Variants in KCNMB2 observed in about 807,000 individuals in gnomAD.
KCNMB2 encodes potassium calcium-activated channel subfamily M regulatory beta subunit 2.
KCNMB2 carries 9 observed loss-of-function variants against 24.5 expected under a neutral mutation model. The ratio of observed to expected loss-of-function variants is 0.37; its 90% CI spans 0.22 to 0.64. The LOEUF (loss-of-function observed/expected upper bound fraction) is 0.64. KCNMB2 is among the 30% of genes least tolerant of loss of function. The pLI, the probability that KCNMB2 is intolerant of heterozygous loss-of-function variation, is 0.63. For synonymous variants in KCNMB2, 109 were observed against 104.4 expected, an observed-to-expected ratio of 1.04 and a Z score of -0.27; for missense variants, 226 against 284.3, an observed-to-expected ratio of 0.79 and a Z score of 1.47.
At chr3:178,646,975 A>C (rs899440917) in intron 1 of KCNMB2, among the ~76,000 whole-genome samples, 1 of 152,240 alleles carries the variant, frequency 6.6e-6, no homozygotes, top group African/African-American at 2.4e-5. Context: ...TAAGAAAAAT[A>C]AGTATGATCT....
intron 2 of KCNMB2, among the ~76,000 whole-genome samples, chr3:178,825,205 T>A (rs1560036688): frequency 6.6e-6 from 1 of 152,242 alleles, no homozygotes; most frequent in African/African-American, 2.4e-5. Flanking sequence ...CAAAATTATC[T>A]AAAAATCAAT....
intron 1 of KCNMB2, among the ~76,000 whole-genome samples, chr3:178,613,468 C>T (rs1718568470): frequency 6.6e-6 from 1 of 152,168 alleles, no homozygotes; most frequent in African/African-American, 2.4e-5. Flanking sequence ...CATTAATATC[C>T]TTTTATTTCT....
chr3:178,764,136 A>G (rs1173599839), intron 1 of KCNMB2, among the ~76,000 whole-genome samples: 2 of 152,234 alleles, frequency 1.3e-5, no homozygotes, highest in Non-Finnish European at 2.9e-5. Flanking sequence ...TTTGTCAAAC[A>G]TAAAATCTAC....
chr3:178,693,875 G>C (rs899903593), intron 1 of KCNMB2, among the ~76,000 whole-genome samples: 2 of 132,370 alleles, frequency 1.5e-5, no homozygotes, highest in Non-Finnish European at 3.1e-5. Flanking sequence ...ATCTGGTCCT[G>C]GGCTTTTTTT....
intron 1 of KCNMB2, among the ~76,000 whole-genome samples, chr3:178,650,170 T>C (rs1486890368): frequency 6.6e-6 from 1 of 152,198 alleles, no homozygotes; most frequent in African/African-American, 2.4e-5. Flanking sequence ...AGTTTCTTAA[T>C]CCTGAGTTCT....
chr3:178,615,966 G>A (rs1718690368), intron 1 of KCNMB2, among the ~76,000 whole-genome samples: 2 of 152,102 alleles, frequency 1.3e-5, no homozygotes. Context: ...TGTCATCTGG[G>A]GGCTAGGGCC....
intron 1 of KCNMB2, among the ~76,000 whole-genome samples, chr3:178,620,190 G>C (rs923548370): frequency 6.6e-6 from 1 of 151,978 alleles, no homozygotes; most frequent in Non-Finnish European, 1.5e-5. Context: ...GACTTGTTAT[G>C]AACATACGAT....
In KCNMB2 at chr3:178,843,897, T is replaced by A. The variant is rs1381579907; in HGVS notation, c.*960T>A. On this transcript the variant is annotated 3_prime_UTR_variant, in exon 5 of 5. Coordinates refer to ENST00000452583, the MANE Select transcript of KCNMB2 (RefSeq NM_181361.3). ...GTGAATTTGTGCTTAAGTCAATGAA[T>A]GTGTAGTATCTCCTTCTGACAAGCA... 1 of 152,220 alleles carries A rather than the reference T, an allele frequency of 6.6e-6. No homozygotes were observed. Among genetic ancestry groups the A allele is most frequent in the Non-Finnish European group, 1.5e-5 (1 of 68,006 alleles). The allele number at this position is 152,220 out of a possible 1,614,324, so 9.4% of individuals were successfully genotyped here.
At chr3:178,642,436 C>G (rs558142368) in intron 1 of KCNMB2, among the ~76,000 whole-genome samples, 131 of 152,284 alleles carry the variant, frequency 8.6e-4, no homozygotes, top group African/African-American at 3.1e-3. Context: ...TAACACCCAC[C>G]ACCAGCACCA....
chr3:178,826,322 G>A (rs147120702), intron 3 of KCNMB2, among the ~76,000 whole-genome samples: 65 of 152,286 alleles, frequency 4.3e-4, no homozygotes, highest in African/African-American at 1.4e-3. Context: ...TAATTGGTCC[G>A]GAGTGGGACC....
chr3:178,760,982 T>C (rs916990045), intron 1 of KCNMB2, among the ~76,000 whole-genome samples: 9 of 152,202 alleles, frequency 5.9e-5, no homozygotes, highest in Non-Finnish European at 1.3e-4. Context: ...TTCTGGGCTC[T>C]AGGGCCTCGG....
intron 2 of KCNMB2, among the ~76,000 whole-genome samples, chr3:178,813,236 C>G (rs1425214050): frequency 1.3e-5 from 2 of 152,040 alleles, no homozygotes; most frequent in African/African-American, 4.8e-5. Flanking sequence ...TATTGACTAA[C>G]TGAATTGTTT....
rs1274470512 is a variant in KCNMB2 at position 178,759,468 on chromosome 3, GATATATATAT to G, written c.-67-47864_-67-47855del. On this transcript the variant is annotated intron_variant, in intron 1 of 4. Coordinates refer to ENST00000452583, the MANE Select transcript of KCNMB2 (RefSeq NM_181361.3). ...ATATATATATATATATCTCCAAGAGGATATATATATATATATATATCTCCAAGAGGATATA... is the reference window on the plus strand; with the variant it reads ...ATATATATATATATATCTCCAAGAGGATATATATATCTCCAAGAGGATATA... 1.5e-3 allele frequency among the ~76,000 whole-genome samples: 32 copies of G among 21,718 alleles called. 4 individuals are homozygous for G. In the South Asian group the frequency reaches 0.018, roughly 13 times the overall value. The allele number at this position is 21,718 out of a possible 152,430, so 14.2% of individuals were successfully genotyped here.
chr3:178,633,707 A>G (rs1037352887), intron 1 of KCNMB2, among the ~76,000 whole-genome samples: 3 of 152,222 alleles, frequency 2.0e-5, no homozygotes, highest in African/African-American at 7.2e-5. Flanking sequence ...CATTTTCCCC[A>G]TTGCCTTGGC....
At chr3:178,767,508 T>TTC (rs1577171215) in intron 1 of KCNMB2, among the ~76,000 whole-genome samples, 1 of 152,312 alleles carries the variant, frequency 6.6e-6, no homozygotes, top group East Asian at 1.9e-4. Flanking sequence ...TCAACCAATA[T>TTC]TCTCTAGAGC....
chr3:178,763,445 G>A (rs1435810034), intron 1 of KCNMB2, among the ~76,000 whole-genome samples: 1 of 152,084 alleles, frequency 6.6e-6, no homozygotes, highest in Non-Finnish European at 1.5e-5. Context: ...CTGTGAAATC[G>A]ATTTAGATGA....
At chr3:178,620,293 A>C (rs1577054073) in intron 1 of KCNMB2, among the ~76,000 whole-genome samples, 1 of 152,222 alleles carries the variant, frequency 6.6e-6, no homozygotes, top group South Asian at 2.1e-4. Flanking sequence ...TAAGCTAATA[A>C]AACTATGAAT....
intron 1 of KCNMB2, among the ~76,000 whole-genome samples, chr3:178,623,761 C>T (rs1719002621): frequency 6.6e-6 from 1 of 152,150 alleles, no homozygotes; most frequent in South Asian, 2.1e-4. Flanking sequence ...GAAACATGCC[C>T]TGTAGATATC....
chr3:178,761,635 A>G (rs931997930), intron 1 of KCNMB2, among the ~76,000 whole-genome samples: 1 of 152,152 alleles, frequency 6.6e-6, no homozygotes, highest in Non-Finnish European at 1.5e-5. Flanking sequence ...ATCCATAAAG[A>G]GTAGAAAGTG....
Sources: gnomAD v4.1 joint callset for allele counts (sites outside exome capture counted in the v4.1 genomes callset) on GRCh38, gnomAD v4.1.1 for gene constraint, MANE v1.5 for transcripts, NCBI Gene and HGNC (gene_info 2026-07-23, HGNC 2026-07-21) for gene names.